The following MCTP1 variants were observed in gnomAD, a reference collection of about 807,000 sequenced individuals.
MCTP1 encodes multiple C2 and transmembrane domain-containing protein 1.
In MCTP1, 69 loss-of-function variants were observed where a neutral mutation model predicts 120.6. That is an observed-to-expected ratio of 0.57 (90% CI 0.47 to 0.70). The LOEUF is 0.70. Ranked by LOEUF, MCTP1 falls within the 30% of genes least tolerant of loss-of-function variation. The pLI is 0.00. For synonymous variants in MCTP1, 529 were observed against 493.1 expected, an observed-to-expected ratio of 1.07 and a Z score of -0.96; for missense variants, 1,203 against 1,248.8, an observed-to-expected ratio of 0.96 and a Z score of 0.55.
Position 94,953,354 on chromosome 5 carries a change from A to G in MCTP1, c.846T>C (p.Ser282=), listed in dbSNP as rs1191365256. Residue 282 remains serine, a synonymous_variant, in exon 3 of 23, where the codon AGT becomes AGC. Coordinates refer to ENST00000515393, the MANE Select transcript of MCTP1 (RefSeq NM_024717.7). ...SLAARDRGGT[S]DPYVKFKIGG... is the part of the protein sequence containing the mutation. ...CGATTTTAAACTTCACATATGGATC[A>G]CTCGTCCCTGTTAAATAGATAGATT... 3 of 1,603,602 alleles carry G rather than the reference A, an allele frequency of 1.9e-6. No individual in the cohort carries two copies. The highest frequency in any genetic ancestry group is 2.6e-6 in the Non-Finnish European group (3 of 1,174,228).
intron 1 of MCTP1, among the ~76,000 whole-genome samples, chr5:95,027,738 T>C (rs1839521668): frequency 6.6e-6 from 1 of 152,188 alleles, no homozygotes; most frequent in Non-Finnish European, 1.5e-5. Context: ...TACTCTTGAA[T>C]GTCTGTGTGG....
In MCTP1 at chr5:95,074,509, TAATAC is replaced by T. The variant is rs200860368; in HGVS notation, c.721-57030_721-57026del. ...TTTGGATAGGTGTATACATTTTTGC[TAATAC>T]AATAATTTGTATTTATGAAGTTTGA... On this transcript the variant is annotated intron_variant, in intron 1 of 22. Coordinates refer to ENST00000515393, the MANE Select transcript of MCTP1 (RefSeq NM_024717.7). Among the ~76,000 whole-genome samples the T allele has an allele frequency of 6.4e-3, 979 of 152,362 alleles. 11 individuals are homozygous for T. The highest frequency in any genetic ancestry group is 0.023 in the African/African-American group (955 of 41,578).
intron 1 of MCTP1, among the ~76,000 whole-genome samples, chr5:95,259,274 G>C (rs1382641490): frequency 3.9e-5 from 6 of 152,122 alleles, no homozygotes; most frequent in Admixed American, 6.5e-5. Flanking sequence ...ACCCAACCTG[G>C]ACTTCCTTTG....
Position 94,940,094 on chromosome 5 carries a change from G to A in MCTP1, c.1163C>T (p.Ser388Phe). The change falls in exon 5 of 23, where the codon TCC (serine) becomes TTC (phenylalanine). Residue 388 changes from serine to phenylalanine, a missense_variant. Coordinates refer to ENST00000515393, the MANE Select transcript of MCTP1 (RefSeq NM_024717.7). ...SVILTPKEGE[S>F]RDVTMLMRKS... ...TGTGGGGGAACTTACCACATCCCTGGACTCTCCTTCTTTAGGGGTAAGGAT... is the reference window on the plus strand; with the variant it reads ...TGTGGGGGAACTTACCACATCCCTGAACTCTCCTTCTTTAGGGGTAAGGAT... 1 of 1,596,962 alleles carries A rather than the reference G, an allele frequency of 6.3e-7. No individual in the cohort carries two copies. Among genetic ancestry groups the A allele is most frequent in the Non-Finnish European group, 8.6e-7 (1 of 1,166,206 alleles).
intron 17 of MCTP1, among the ~76,000 whole-genome samples, chr5:94,811,886 C>A (rs1783500419): frequency 6.6e-6 from 1 of 152,118 alleles, no homozygotes; most frequent in East Asian, 1.9e-4. Flanking sequence ...TTCAGAAAAG[C>A]TTTCACTTCA....
chr5:94,977,688 G>A lies in MCTP1; in HGVS notation c.839-24327C>T, dbSNP rs571753760. Among the ~76,000 whole-genome samples, 5 of 152,092 alleles carry A rather than the reference G, an allele frequency of 3.3e-5. No individual in the cohort carries two copies. In the South Asian group the frequency reaches 1.0e-3, roughly 32 times the overall value. Reference sequence around the variant, plus strand: ...GTATGGTAAACTGACCTTCAACAAGGGTGCCAGGAATACAAAATAGGGAAA... The same window carrying A: ...GTATGGTAAACTGACCTTCAACAAGAGTGCCAGGAATACAAAATAGGGAAA... On this transcript the variant is annotated intron_variant, in intron 2 of 22. Coordinates refer to ENST00000515393, the MANE Select transcript of MCTP1 (RefSeq NM_024717.7).
chr5:94,887,964 A>G (rs1451933567), intron 12 of MCTP1, among the ~76,000 whole-genome samples: 2 of 152,208 alleles, frequency 1.3e-5, no homozygotes, highest in African/African-American at 2.4e-5. Context: ...TCTTCCCTTG[A>G]AATAAGTTTG....
intron 2 of MCTP1, among the ~76,000 whole-genome samples, chr5:94,972,191 G>A (rs890086866): frequency 1.3e-5 from 2 of 152,106 alleles, no homozygotes; most frequent in Non-Finnish European, 2.9e-5. Context: ...AAGCACTGCT[G>A]TGGGGAACCC....
At chr5:95,174,040 G>C (rs916561192) in intron 1 of MCTP1, among the ~76,000 whole-genome samples, 1 of 152,144 alleles carries the variant, frequency 6.6e-6, no homozygotes, top group Non-Finnish European at 1.5e-5. Flanking sequence ...TAATTAAAGG[G>C]TCAATCAAGA....
chr5:95,271,090 T>C (rs570837211), intron 1 of MCTP1, among the ~76,000 whole-genome samples: 2 of 152,212 alleles, frequency 1.3e-5, no homozygotes, highest in South Asian at 4.2e-4. Flanking sequence ...ACAAATGAAA[T>C]TATCTGAAAC....
chr5:95,189,149 A>G (rs1749558589), intron 1 of MCTP1, among the ~76,000 whole-genome samples: 1 of 152,208 alleles, frequency 6.6e-6, no homozygotes, highest in South Asian at 2.1e-4. Flanking sequence ...AAATGAACAA[A>G]TTGTTCATAC....
In MCTP1 at chr5:94,981,705, A is replaced by G. The variant is rs553058535; in HGVS notation, c.839-28344T>C. Among the ~76,000 whole-genome samples the G allele has an allele frequency of 3.1e-4, 47 of 152,254 alleles. No individual in the cohort carries two copies. The South Asian group carries it at 9.5e-3, about 31-fold the overall frequency. The stretch of plus-strand genomic sequence containing the variant: ...GGTGTGGAGAGAAAGCCTCACCTAT[A>G]AGGACACATTTGAAAAGGGACTTGA... On this transcript the variant is annotated intron_variant, in intron 2 of 22. Coordinates refer to ENST00000515393, the MANE Select transcript of MCTP1 (RefSeq NM_024717.7).
chr5:94,891,738 T>G (rs528115814), intron 11 of MCTP1, among the ~76,000 whole-genome samples: 1 of 145,480 alleles, frequency 6.9e-6, no homozygotes, highest in East Asian at 2.0e-4. Flanking sequence ...TCGATTATAA[T>G]AAGAAGTAAA....
rs756132693 is a variant in MCTP1 at position 95,095,006 on chromosome 5, ATTTTTTTTTTTTTTTTTTTTT to A, written c.721-77543_721-77523del. 2.6e-3 allele frequency among the ~76,000 whole-genome samples: 96 copies of A among 36,970 alleles called. 1 individual carries two copies. The highest frequency in any genetic ancestry group is 0.011 in the African/African-American group (92 of 8,052). 24.3% of individuals were successfully genotyped at this position (36,970 alleles called of 152,430 possible). ...TTTTTTCTTTTATTTGTTATGTTAG[ATTTTTTTTTTTTTTTTTTTTT>A]TTTTTTTTTTTTTTGAGACGGAGTC... On this transcript the variant is annotated intron_variant, in intron 1 of 22. Transcript: ENST00000515393.
chr5:94,918,607 T>TG lies in MCTP1; in HGVS notation c.1273-635dup, dbSNP rs1810750490. Among the ~76,000 whole-genome samples the TG allele has an allele frequency of 5.3e-5, 8 of 152,230 alleles. No individual in the cohort carries two copies. The South Asian group carries it at 1.7e-3, about 32-fold the overall frequency. The stretch of plus-strand genomic sequence containing the variant: ...AAAGATATAGCTGAACAGGAACTCC[T>TG]GGGGGGAAATTATCATGGTGGGACT... On this transcript the variant is annotated intron_variant, in intron 7 of 22. Transcript: ENST00000515393.
chr5:94,815,433 C>A (rs1452646964), intron 17 of MCTP1, among the ~76,000 whole-genome samples: 1 of 152,192 alleles, frequency 6.6e-6, no homozygotes, highest in Non-Finnish European at 1.5e-5. Flanking sequence ...CCTCCCTGTT[C>A]TACTGTCAGC....
chr5:95,190,948 C>A (rs747250472), intron 1 of MCTP1, among the ~76,000 whole-genome samples: 1 of 151,782 alleles, frequency 6.6e-6, no homozygotes, highest in Admixed American at 6.6e-5. Flanking sequence ...TGGTTTGAAG[C>A]AATATGATAA....
At position 94,960,059 on chromosome 5, in the gene MCTP1, T is replaced by C. The variant is rs530919285; in HGVS notation, c.839-6698A>G. ...AGTAACCAAAACAGCATGGTACTGA[T>C]ACCAAAACAGACATATAGACCAATG... On this transcript the variant is annotated intron_variant, in intron 2 of 22. Coordinates refer to ENST00000515393, the MANE Select transcript of MCTP1 (RefSeq NM_024717.7). Among the ~76,000 whole-genome samples, 7 of 152,284 alleles carry C rather than the reference T, an allele frequency of 4.6e-5. No individual in the cohort carries two copies. In the South Asian group the frequency reaches 1.4e-3, roughly 32 times the overall value.
intron 11 of MCTP1, among the ~76,000 whole-genome samples, chr5:94,892,024 A>G (rs1414796036): frequency 6.6e-6 from 1 of 152,058 alleles, no homozygotes; most frequent in Non-Finnish European, 1.5e-5. Flanking sequence ...GCTGTATAAT[A>G]TATTTTCTCT....
Sources: allele counts gnomAD v4.1 joint callset (sites outside exome capture counted in the v4.1 genomes callset), GRCh38; gene constraint gnomAD v4.1.1; transcripts MANE v1.5; gene names NCBI Gene and HGNC (gene_info 2026-07-23, HGNC 2026-07-21).